EPHA2: variants seen among roughly 807,000 people sequenced by gnomAD.
EPHA2 encodes the protein EPH receptor A2, also known as ephrin type-A receptor 2.
A neutral mutation model predicts 104.9 loss-of-function variants in EPHA2; 54 were observed. The ratio of observed to expected loss-of-function variants is 0.51; its 90% CI spans 0.41 to 0.65. The LOEUF is 0.65. EPHA2 is among the 30% of genes least tolerant of loss of function. EPHA2 has a pLI of 0.00. For missense variants in EPHA2, 1,117 were observed against 1,369.5 expected, an observed-to-expected ratio of 0.82 and a Z score of 2.91; for synonymous variants, 560 against 559.1, an observed-to-expected ratio of 1.00 and a Z score of -0.02.
chr1:16,145,999 G>A (rs915100057), intron 3 of EPHA2, among the ~76,000 whole-genome samples: 2 of 152,222 alleles, frequency 1.3e-5, no homozygotes, highest in Admixed American at 6.5e-5. Context: ...TTGGCTCAGC[G>A]CCTGCCCCTC....
In EPHA2 at chr1:16,135,604, G is replaced by T. The variant is rs2124215592; in HGVS notation, c.1428+51C>A. 6.5e-7 allele frequency: 1 copy of T among 1,530,688 alleles called. No individual in the cohort carries two copies. The highest frequency in any genetic ancestry group is 9.1e-7 in the Non-Finnish European group (1 of 1,104,422). 94.8% of individuals were successfully genotyped at this position (1,530,688 alleles called of 1,614,324 possible). A position where few individuals can be genotyped will look rare whatever the true frequency, so the allele number is the denominator to read the frequency against. On this transcript the variant is annotated intron_variant, in intron 6 of 16. Coordinates refer to ENST00000358432, the MANE Select transcript of EPHA2 (RefSeq NM_004431.5). The surrounding 1 kb of genome is among the most constrained non-coding windows in gnomAD (Gnocchi z 4.3). ...TGGTGATCATCTATGTGACCAGCCTGTCCCCTGCTGTCGGCCCAGCTAGAG... is the reference window on the plus strand; with the variant it reads ...TGGTGATCATCTATGTGACCAGCCTTTCCCCTGCTGTCGGCCCAGCTAGAG...
At chr1:16,140,328 G>A (rs1298252719) in intron 3 of EPHA2, among the ~76,000 whole-genome samples, 1 of 152,208 alleles carries the variant, frequency 6.6e-6, no homozygotes, top group African/African-American at 2.4e-5. Flanking sequence ...CTTGTCCCAG[G>A]TCATGCAGCA....
chr1:16,148,747 C>T lies in EPHA2; in HGVS notation c.454G>A (p.Val152Ile), dbSNP rs766000471. The change falls in exon 3 of 17, where the codon GTC (valine) becomes ATC (isoleucine). Residue 152 changes from valine (V) to isoleucine (I), a missense_variant. Val to Ile is a conservative substitution (Grantham distance 29). Coordinates refer to ENST00000358432, the MANE Select transcript of EPHA2 (RefSeq NM_004431.5). The surrounding 1 kb of genome is among the most constrained non-coding windows in gnomAD (Gnocchi z 4.9). Reference protein sequence around the residue: ...IDTIAPDEITVSSDFEARHVK... With the variant: ...IDTIAPDEITISSDFEARHVK... Reference sequence around the variant, plus strand: ...TGGCGTGCCTCGAAGTCGCTGCTGACGGTGATCTCATCGGGCGCAATGGTG... The same window carrying T: ...TGGCGTGCCTCGAAGTCGCTGCTGATGGTGATCTCATCGGGCGCAATGGTG... 3.0e-5 allele frequency: 49 copies of T among 1,613,880 alleles called. No individual in the cohort carries two copies. The highest frequency in any genetic ancestry group is 1.7e-4 in the Admixed American group (10 of 60,016).
At chr1:16,136,739 A>AGAAGAAGAAGAAGAAGAT (rs2024711870) in intron 5 of EPHA2, among the ~76,000 whole-genome samples, 3 of 149,316 alleles carry the variant, frequency 2.0e-5, no homozygotes, top group Non-Finnish European at 3.0e-5. Flanking sequence ...AAGAAGAAGA[A>AGAAGAAGAAGAAGAAGAT]GAAGAAGAAG....
chr1:16,132,984 G>A (rs2024605731), intron 11 of EPHA2, 196 bp downstream of exon 11: 1 of 645,434 alleles, frequency 1.5e-6, no homozygotes, highest in East Asian at 2.8e-5. Flanking sequence ...GGTGGGTGCA[G>A]GTATGGGGGG....
rs113173342 is a variant in EPHA2 at position 16,137,995 on chromosome 1, G to A, written c.1170C>T (p.His390=). The A allele has an allele frequency of 6.9e-4, 1,116 of 1,614,066 alleles. 9 individuals carry two copies. The highest frequency in any genetic ancestry group is 4.7e-3 in the African/African-American group (355 of 75,080). Reference sequence around the variant, plus strand: ...CTGTCACACTGGTGCGGGTCAGTCCGTGAGGAGGCTCCGAGTAGCGCACAC... The same window carrying A: ...CTGTCACACTGGTGCGGGTCAGTCCATGAGGAGGCTCCGAGTAGCGCACAC... ...EASVRYSEPP[H]GLTRTSVTVS... is the part of the protein sequence containing the mutation. Residue 390 remains histidine, a synonymous_variant, in exon 5 of 17, where the codon CAC becomes CAT. Coordinates refer to ENST00000358432, the MANE Select transcript of EPHA2 (RefSeq NM_004431.5).
At chr1:16,129,264 G>A (rs1011112628) in intron 16 of EPHA2, among the ~76,000 whole-genome samples, 170 bp downstream of exon 16, 12 of 151,884 alleles carry the variant, frequency 7.9e-5, no homozygotes, top group African/African-American at 2.9e-4. Context: ...ACCCAGAGCT[G>A]CCAGCTGCTG....
At position 16,135,663 on chromosome 1, in the gene EPHA2, G is replaced by A. The variant is rs914139663; in HGVS notation, c.1420C>T (p.Arg474Cys). The change falls in exon 6 of 17, where the codon CGC becomes TGC. Residue 474 changes from arginine (R) to cysteine (C), a missense_variant. Transcript: ENST00000358432. The surrounding 1 kb of genome is among the most constrained non-coding windows in gnomAD (Gnocchi z 4.3). Reference sequence around the variant, plus strand: ...GCCCCTCTGGGAGTTACCTTCTTGCGGTAAGTGACCTCGTACTTCCACACT... The same window carrying A: ...GCCCCTCTGGGAGTTACCTTCTTGCAGTAAGTGACCTCGTACTTCCACACT... ...SRVWKYEVTY[R>C]KKGDSNSYNV... The A allele has an allele frequency of 2.1e-5, 34 of 1,613,776 alleles. No homozygotes were observed. The highest frequency in any genetic ancestry group is 6.7e-5 in the African/African-American group (5 of 74,898).
chr1:16,153,004 C>A, intron 1 of EPHA2: 2 of 548,298 alleles, frequency 3.6e-6, no homozygotes, highest in Non-Finnish European at 4.6e-6. Flanking sequence ...CAGAGGCTCC[C>A]GCTTCTCTGG....
At chr1:16,143,736 C>T (rs751354905) in intron 3 of EPHA2, among the ~76,000 whole-genome samples, 1 of 152,156 alleles carries the variant, frequency 6.6e-6, no homozygotes, top group Non-Finnish European at 1.5e-5. Flanking sequence ...AGTCACCGCC[C>T]AAGCCAGGCC....
chr1:16,142,827 T>C (rs1359498932), intron 3 of EPHA2, among the ~76,000 whole-genome samples: 1 of 131,748 alleles, frequency 7.6e-6, no homozygotes, highest in Non-Finnish European at 1.6e-5. Context: ...GATGGATAGG[T>C]GGATGGCTGG....
rs1224354598 is a variant in EPHA2 at position 16,155,844 on chromosome 1, T to A, written c.85+4A>T. 1 of 1,438,122 alleles carries A rather than the reference T, an allele frequency of 7.0e-7. No homozygotes were observed. Among genetic ancestry groups the A allele is most frequent in the Admixed American group, 2.8e-5 (1 of 36,292 alleles). 89.1% of individuals were successfully genotyped at this position (1,438,122 alleles called of 1,614,324 possible). A position where few individuals can be genotyped will look rare whatever the true frequency, so the allele number is the denominator to read the frequency against. ...CCAGGGGTCCAGACGCCGCGCGCAC[T>A]CACCTTCCTTGCCCTGCGCCGCCGC... On this transcript the variant is annotated splice_donor_region_variant and intron_variant, in intron 1 of 16. Transcript: ENST00000358432.
Position 16,142,984 on chromosome 1 carries a change from A to AATGGATGGATGGATGG in EPHA2, c.824-4570_824-4555dup, listed in dbSNP as rs549081543. ...AGGAGGGTGGGTGGGTGGAGGGATGAATGGATGGATGGATGGATGGATGGA... is the reference window on the plus strand; with the variant it reads ...AGGAGGGTGGGTGGGTGGAGGGATGAATGGATGGATGGATGGATGGATGGATGGATGGATGGATGGA... On this transcript the variant is annotated intron_variant, in intron 3 of 16. Transcript: ENST00000358432. Among the ~76,000 whole-genome samples the AATGGATGGATGGATGG allele has an allele frequency of 1.2e-3, 88 of 74,010 alleles. 2 individuals carry two copies. The highest frequency in any genetic ancestry group is 4.3e-3 in the African/African-American group (75 of 17,452). The allele number at this position is 74,010 out of a possible 152,430, so 48.6% of individuals were successfully genotyped here.
intron 3 of EPHA2, among the ~76,000 whole-genome samples, chr1:16,143,021 ATAGG>A (rs2024855028): frequency 9.3e-6 from 1 of 107,530 alleles, no homozygotes. Context: ...GGATGGGTGG[ATAGG>A]TGGGTGGTTG....
At chr1:16,153,410 C>G in intron 1 of EPHA2, 1 of 832,894 alleles carries the variant, frequency 1.2e-6, no homozygotes, top group Non-Finnish European at 1.4e-6. Context: ...GCAGACTTGG[C>G]CCCGGTAGAA....
At chr1:16,147,016 G>A (rs2024946280) in intron 3 of EPHA2, among the ~76,000 whole-genome samples, 1 of 152,238 alleles carries the variant, frequency 6.6e-6, no homozygotes, top group South Asian at 2.1e-4. Flanking sequence ...GCCAGAGAGA[G>A]GGAATGAGCC....
chr1:16,137,468 C>T (rs895950294), intron 5 of EPHA2, among the ~76,000 whole-genome samples: 4 of 151,824 alleles, frequency 2.6e-5, no homozygotes, highest in African/African-American at 7.3e-5. Context: ...TGTGGTGGCA[C>T]GTGCCTGTAA....
At chr1:16,147,343 C>T (rs2024952313) in intron 3 of EPHA2, among the ~76,000 whole-genome samples, 1 of 152,200 alleles carries the variant, frequency 6.6e-6, no homozygotes, top group South Asian at 2.1e-4. Flanking sequence ...CTTGGCCCCC[C>T]TCCAACCTCT....
chr1:16,126,385 T>C (rs2024468006), intron 16 of EPHA2, among the ~76,000 whole-genome samples: 1 of 152,238 alleles, frequency 6.6e-6, no homozygotes, highest in South Asian at 2.1e-4. Context: ...AATTATATGA[T>C]GCAAGATCCT....
Sources: allele counts gnomAD v4.1 joint callset (sites outside exome capture counted in the v4.1 genomes callset), GRCh38; gene constraint gnomAD v4.1.1; non-coding constraint Gnocchi (gnomAD v3.1); transcripts MANE v1.5; gene names NCBI Gene and HGNC (gene_info 2026-07-23, HGNC 2026-07-21).